The following ANGPTL2 variants were observed in gnomAD, a reference collection of about 807,000 sequenced individuals.
ANGPTL2 encodes the protein angiopoietin-related protein 2.
In ANGPTL2, 25 loss-of-function variants were observed where a neutral mutation model predicts 52.8. The observed-to-expected ratio is 0.47, with a 90% CI of 0.35 to 0.66. The LOEUF (loss-of-function observed/expected upper bound fraction) is 0.66, where lower values mean the gene tolerates loss of function less well. Among genes scored for constraint, ANGPTL2 ranks in the 30% least tolerant of loss-of-function variants. ANGPTL2 has a pLI of 0.01. For missense variants in ANGPTL2, 546 were observed against 656.9 expected, an observed-to-expected ratio of 0.83 and a Z score of 1.84; for synonymous variants, 276 against 277.4, an observed-to-expected ratio of 1.00 and a Z score of 0.05.
intron 2 of ANGPTL2, among the ~76,000 whole-genome samples, chr9:127,100,839 G>A (rs2053651081): frequency 6.6e-6 from 1 of 152,208 alleles, no homozygotes; most frequent in Non-Finnish European, 1.5e-5. Context: ...TCTTCTTTAA[G>A]AACCTATGTC....
chr9:127,096,417 C>T (rs2136619227), intron 2 of ANGPTL2, among the ~76,000 whole-genome samples: 1 of 152,350 alleles, frequency 6.6e-6, no homozygotes, highest in East Asian at 1.9e-4. Context: ...ATAACGCCCA[C>T]TGAGAGCGAG....
rs774885766 is a variant in ANGPTL2, at chr9:127,108,544, T to A, written c.188A>T (p.Gln63Leu). The A allele has an allele frequency of 6.2e-7, 1 of 1,613,440 alleles. No homozygotes were observed. The highest frequency in any genetic ancestry group is 8.5e-7 in the Non-Finnish European group (1 of 1,179,846). Residue 63 changes from glutamine (Q) to leucine (L), a missense_variant, in exon 2 of 5, where the codon CAG (glutamine) becomes CTG (leucine). By Grantham distance (113) the Gln-to-Leu change is moderately radical. Transcript: ENST00000373425. The part of the protein sequence containing the change: ...KCTYTFIVPQ[Q>L]RVTGAICVNS... ...GACGCAGATGGCACCCGTGACCCGC[T>A]GCTGGGGCACAATGAAGGTGTAGGT...
rs539160109 is a variant in ANGPTL2 at position 127,121,811 on chromosome 9, C to T, written c.-50+504G>A. On this transcript the variant is annotated intron_variant, in intron 1 of 4. Coordinates refer to ENST00000373425, the MANE Select transcript of ANGPTL2 (RefSeq NM_012098.3). ...GAGGGTGTGAGCAGAGGCAGCCCAGCTCCTGTAACTCTCCGAGCAGGGGCT... is the reference window on the plus strand; with the variant it reads ...GAGGGTGTGAGCAGAGGCAGCCCAGTTCCTGTAACTCTCCGAGCAGGGGCT... Among the ~76,000 whole-genome samples, 7 of 152,282 alleles carry T rather than the reference C, an allele frequency of 4.6e-5. No individual in the cohort carries two copies. In the East Asian group the frequency reaches 1.4e-3, roughly 29 times the overall value.
intron 2 of ANGPTL2, among the ~76,000 whole-genome samples, chr9:127,095,623 C>T (rs961045971): frequency 6.6e-6 from 1 of 152,220 alleles, no homozygotes; most frequent in Non-Finnish European, 1.5e-5. Flanking sequence ...ACCTCCTCCC[C>T]ACTTGAATTC....
intron 1 of ANGPTL2, among the ~76,000 whole-genome samples, chr9:127,117,688 C>T (rs1175340647): frequency 6.6e-6 from 1 of 152,210 alleles, no homozygotes; most frequent in Non-Finnish European, 1.5e-5. Context: ...AGAGCCTGGG[C>T]CTGAGGCTTG....
At chr9:127,090,214 GACAAGGACCTTGCCAGCT>G (rs1304034591) in intron 4 of ANGPTL2, among the ~76,000 whole-genome samples, 1 of 152,188 alleles carries the variant, frequency 6.6e-6, no homozygotes, top group Non-Finnish European at 1.5e-5. Context: ...CACCTCCAGG[GACAAGGACCTTGCCAGCT>G]ACTGATTTTG....
At chr9:127,090,979 T>G (rs1486517737) in intron 4 of ANGPTL2, among the ~76,000 whole-genome samples, 2 of 152,376 alleles carry the variant, frequency 1.3e-5, no homozygotes, top group African/African-American at 2.4e-5. Context: ...AGACCTAGAT[T>G]TGAAGCATGT....
intron 2 of ANGPTL2, among the ~76,000 whole-genome samples, chr9:127,098,756 T>A (rs2053421486): frequency 6.6e-6 from 1 of 152,144 alleles, no homozygotes; most frequent in Admixed American, 6.5e-5. Context: ...TGATGGCTGA[T>A]ACAGTGCTTG....
At chr9:127,094,025 G>A in intron 2 of ANGPTL2, 99 bp from the exon 3 acceptor site, 1 of 1,373,284 alleles carries the variant, frequency 7.3e-7, no homozygotes, top group East Asian at 2.4e-5. Context: ...TGAGGCTCCA[G>A]CTGGGAGCCA....
chr9:127,105,541 G>A (rs1253447182), intron 2 of ANGPTL2, among the ~76,000 whole-genome samples: 1 of 152,158 alleles, frequency 6.6e-6, no homozygotes, highest in East Asian at 1.9e-4. Flanking sequence ...GAAGTGCCAC[G>A]TCTATCTAAT....
intron 2 of ANGPTL2, among the ~76,000 whole-genome samples, chr9:127,101,354 T>C (rs1385238355): frequency 6.6e-6 from 1 of 152,210 alleles, no homozygotes; most frequent in Admixed American, 6.5e-5. Flanking sequence ...GCTGCAGTTA[T>C]CACACCACAT....
intron 1 of ANGPTL2, among the ~76,000 whole-genome samples, chr9:127,113,080 G>A (rs1405028403): frequency 6.6e-6 from 1 of 152,154 alleles, no homozygotes. Context: ...GCTTAGTGGG[G>A]GTGACTCAGA....
chr9:127,089,335 C>A (rs1401065510), intron 4 of ANGPTL2, among the ~76,000 whole-genome samples, 197 bp from the exon 5 acceptor site: 1 of 152,202 alleles, frequency 6.6e-6, no homozygotes, highest in East Asian at 1.9e-4. Context: ...AACTAACTAG[C>A]TGTGTGATCT....
chr9:127,099,987 C>T (rs1423382288), intron 2 of ANGPTL2, among the ~76,000 whole-genome samples: 1 of 152,166 alleles, frequency 6.6e-6, no homozygotes, highest in Admixed American at 6.5e-5. Flanking sequence ...GAAAAGAAAA[C>T]TGCAAAATCA....
intron 3 of ANGPTL2, among the ~76,000 whole-genome samples, chr9:127,092,152 C>T (rs1274961906): frequency 6.6e-6 from 1 of 152,242 alleles, no homozygotes; most frequent in Admixed American, 6.5e-5. Context: ...TGCCAGGCAT[C>T]ATGTGAACCC....
chr9:127,092,200 C>A (rs1300196962), intron 3 of ANGPTL2, among the ~76,000 whole-genome samples: 1 of 152,206 alleles, frequency 6.6e-6, no homozygotes, highest in Non-Finnish European at 1.5e-5. Context: ...GCTATATTAC[C>A]TTCCCCACAG....
chr9:127,097,915 G>A (rs1461177918), intron 2 of ANGPTL2, among the ~76,000 whole-genome samples: 3 of 152,192 alleles, frequency 2.0e-5, no homozygotes, highest in African/African-American at 7.2e-5. Flanking sequence ...CTTCTTCTGT[G>A]AAATGGGAAG....
At position 127,099,808 on chromosome 9, in the gene ANGPTL2, T is replaced by C. The variant is rs79106238; in HGVS notation, c.818-5882A>G. On this transcript the variant is annotated intron_variant, in intron 2 of 4. Coordinates refer to ENST00000373425, the MANE Select transcript of ANGPTL2 (RefSeq NM_012098.3). ...AGTTCCTGCAGAACCTCAGAGTTGA[T>C]ATCACACATGTCATTTCTGATCATT... Among the ~76,000 whole-genome samples, 780 of 152,374 alleles carry C rather than the reference T, an allele frequency of 5.1e-3. 27 individuals carry two copies. The East Asian group carries it at 0.098, about 19-fold the overall frequency.
At position 127,093,736 on chromosome 9, in the gene ANGPTL2, G is replaced by A; in HGVS notation, c.1008C>T (p.Tyr336=). ...SVNFFRNWET[Y]KQGFGNIDGE... ...GACATCCCCTGCCGAGTCTCACCTT[G>A]TACGTCTCCCAGTTCCTGAAGAAGT... Residue 336 remains tyrosine (Y), a synonymous_variant, in exon 3 of 5, where the codon TAC becomes TAT. Transcript: ENST00000373425. 6.2e-7 allele frequency: 1 copy of A among 1,614,054 alleles called. No homozygotes were observed. Among genetic ancestry groups the A allele is most frequent in the South Asian group, 1.1e-5 (1 of 91,068 alleles).
Sources: gnomAD v4.1 joint callset for allele counts (sites outside exome capture counted in the v4.1 genomes callset) on GRCh38, gnomAD v4.1.1 for gene constraint, MANE v1.5 for transcripts, NCBI Gene and HGNC (gene_info 2026-07-23, HGNC 2026-07-21) for gene names.